Variants in PRKCE observed in about 807,000 individuals in gnomAD.
PRKCE encodes protein kinase C epsilon, also known as protein kinase C epsilon type.
In PRKCE, 16 loss-of-function variants were observed where a neutral mutation model predicts 85.4. That is an observed-to-expected ratio of 0.19 (90% CI 0.13 to 0.28). The LOEUF (loss-of-function observed/expected upper bound fraction) is 0.28. PRKCE is among the 10% of genes least tolerant of loss of function. The pLI is 1.00. For missense variants in PRKCE, 573 were observed against 975.2 expected, an observed-to-expected ratio of 0.59 and a Z score of 5.49; for synonymous variants, 388 against 371.5, an observed-to-expected ratio of 1.04 and a Z score of -0.51.
Position 45,934,527 on chromosome 2 carries a change from T to C in PRKCE, c.413-41902T>C, listed in dbSNP as rs140383920. ...AGCCAGACGTGGTGGCACATGCCTG[T>C]AATTCCAGCTACTTGGGAGGCTGAG... On this transcript the variant is annotated intron_variant, in intron 2 of 14. Coordinates refer to ENST00000306156, the MANE Select transcript of PRKCE (RefSeq NM_005400.3). 8.5e-5 allele frequency among the ~76,000 whole-genome samples: 13 copies of C among 152,122 alleles called. No individual in the cohort carries two copies. In the East Asian group the frequency reaches 2.5e-3, roughly 30 times the overall value.
At chr2:46,065,739 T>G (rs1360873005) in intron 10 of PRKCE, among the ~76,000 whole-genome samples, 1 of 152,200 alleles carries the variant, frequency 6.6e-6, no homozygotes, top group Non-Finnish European at 1.5e-5. Flanking sequence ...AATTAAAAAA[T>G]TATCCTAAAA....
At chr2:45,731,245 T>G (rs1290009548) in intron 1 of PRKCE, among the ~76,000 whole-genome samples, 1 of 152,212 alleles carries the variant, frequency 6.6e-6, no homozygotes, top group Non-Finnish European at 1.5e-5. Context: ...ATGCACAGTT[T>G]TTGCCTATGA....
chr2:46,009,219 T>G (rs1705455658), intron 9 of PRKCE, among the ~76,000 whole-genome samples: 1 of 152,158 alleles, frequency 6.6e-6, no homozygotes, highest in Admixed American at 6.5e-5. Context: ...AAGGACAGAT[T>G]CAACTACATA....
chr2:46,100,300 C>T (rs1671082730), intron 11 of PRKCE, among the ~76,000 whole-genome samples: 1 of 152,188 alleles, frequency 6.6e-6, no homozygotes, highest in Non-Finnish European at 1.5e-5. Flanking sequence ...GTGCTCTGCT[C>T]TCGGTATGTC....
intron 1 of PRKCE, among the ~76,000 whole-genome samples, chr2:45,741,362 T>C (rs1026611453): frequency 2.0e-5 from 3 of 152,234 alleles, no homozygotes; most frequent in African/African-American, 4.8e-5. Context: ...TCTGACACTT[T>C]CTGGCCTTAA....
chr2:45,770,281 C>T (rs1369436727), intron 1 of PRKCE, among the ~76,000 whole-genome samples: 2 of 152,156 alleles, frequency 1.3e-5, no homozygotes, highest in East Asian at 1.9e-4. Context: ...TGTAGGGATG[C>T]ATGGGGTAGG....
chr2:45,831,616 G>A (rs1690430637), intron 1 of PRKCE, among the ~76,000 whole-genome samples: 1 of 152,110 alleles, frequency 6.6e-6, no homozygotes, highest in Non-Finnish European at 1.5e-5. Context: ...GGAGGGAAGT[G>A]GTAAGTAAAC....
intron 1 of PRKCE, among the ~76,000 whole-genome samples, chr2:45,798,374 A>C (rs1247996360): frequency 6.6e-6 from 1 of 152,234 alleles, no homozygotes; most frequent in Admixed American, 6.5e-5. Flanking sequence ...TGGAAGCCCA[A>C]GCTCTCCCCA....
At chr2:46,135,925 G>A (rs759563188) in intron 11 of PRKCE, among the ~76,000 whole-genome samples, 6 of 151,064 alleles carry the variant, frequency 4.0e-5, no homozygotes, top group Non-Finnish European at 8.8e-5. Context: ...CCACAATGTT[G>A]ATCTGGAAAA....
At chr2:45,851,518 G>A (rs1692255999) in intron 2 of PRKCE, among the ~76,000 whole-genome samples, 2 of 152,166 alleles carry the variant, frequency 1.3e-5, no homozygotes, top group African/African-American at 2.4e-5. Flanking sequence ...AACAGTGGCT[G>A]TCTCTGGGGA....
At position 46,005,911 on chromosome 2, in the gene PRKCE, C is replaced by T. The variant is rs539670329; in HGVS notation, c.1063+1273C>T. Among the ~76,000 whole-genome samples, 3 of 152,304 alleles carry T rather than the reference C, an allele frequency of 2.0e-5. No homozygotes were observed. In the East Asian group the frequency reaches 5.8e-4, roughly 29 times the overall value. On this transcript the variant is annotated intron_variant, in intron 8 of 14. Coordinates refer to ENST00000306156, the MANE Select transcript of PRKCE (RefSeq NM_005400.3). ...TTTGGGGGTTTTCACGTGTTCCTTT[C>T]TGAGGCTGAGATCCCCTTTGGGAGC...
intron 1 of PRKCE, among the ~76,000 whole-genome samples, chr2:45,704,591 A>T (rs1572997739): frequency 6.6e-6 from 1 of 152,298 alleles, no homozygotes; most frequent in Non-Finnish European, 1.5e-5. Context: ...TAACTCTGCC[A>T]GTTACTCTCT....
At chr2:45,993,512 C>CA (rs1408976413) in intron 6 of PRKCE, among the ~76,000 whole-genome samples, 2 of 151,950 alleles carry the variant, frequency 1.3e-5, no homozygotes, top group East Asian at 1.9e-4. Flanking sequence ...AAACCAAAAC[C>CA]AAAAAAAGAT....
chr2:45,835,593 ATTTG>A (rs1260552444), intron 1 of PRKCE, among the ~76,000 whole-genome samples: 7 of 104,568 alleles, frequency 6.7e-5, no homozygotes, highest in African/African-American at 1.2e-4. Context: ...TCGGTAGTAT[ATTTG>A]TTTTTTTTTT....
chr2:46,082,124 G>A (rs558595229), intron 10 of PRKCE, among the ~76,000 whole-genome samples: 2 of 152,134 alleles, frequency 1.3e-5, no homozygotes, highest in Admixed American at 6.5e-5. Context: ...AGGAGGAAGC[G>A]GGGTGGGTTA....
chr2:46,089,586 C>G (rs1427581663), intron 11 of PRKCE, among the ~76,000 whole-genome samples: 2 of 152,210 alleles, frequency 1.3e-5, no homozygotes, highest in Admixed American at 6.5e-5. Context: ...GAACCAGACC[C>G]CTTCACGCCC....
chr2:45,944,907 T>C (rs1700142244), intron 2 of PRKCE, among the ~76,000 whole-genome samples: 1 of 152,170 alleles, frequency 6.6e-6, no homozygotes, highest in Non-Finnish European at 1.5e-5. Flanking sequence ...TGCAAATGGA[T>C]ACAGAGGTGG....
At chr2:45,917,370 T>G (rs1250493319) in intron 2 of PRKCE, among the ~76,000 whole-genome samples, 1 of 151,610 alleles carries the variant, frequency 6.6e-6, no homozygotes, top group African/African-American at 2.4e-5. Flanking sequence ...AGAGTGCCAA[T>G]TGGTGTATTT....
intron 11 of PRKCE, among the ~76,000 whole-genome samples, chr2:46,124,432 T>C (rs1264094974): frequency 2.0e-5 from 3 of 152,202 alleles, no homozygotes; most frequent in African/African-American, 4.8e-5. Flanking sequence ...TATGAATAGA[T>C]GGCAATCTAT....
Sources: allele counts gnomAD v4.1 joint callset (sites outside exome capture counted in the v4.1 genomes callset), GRCh38; gene constraint gnomAD v4.1.1; transcripts MANE v1.5; gene names NCBI Gene and HGNC (gene_info 2026-07-23, HGNC 2026-07-21).